The following BAALC variants were observed in gnomAD, a reference collection of about 807,000 sequenced individuals.
BAALC encodes brain and acute leukemia cytoplasmic protein.
A neutral mutation model predicts 15.5 loss-of-function variants in BAALC; 9 were observed. That is an observed-to-expected ratio of 0.58 (90% CI 0.35 to 1.02). BAALC has a LOEUF of 1.02. Ranked by LOEUF, BAALC falls within the 50% of genes least tolerant of loss-of-function variation. The pLI is 0.02. For synonymous variants in BAALC, 80 were observed against 74.6 expected (o/e 1.07, Z -0.37); for missense variants, 201 against 192.4 (o/e 1.04, Z -0.27).
intron 1 of BAALC, among the ~76,000 whole-genome samples, chr8:103,177,931 A>G (rs1811642116): frequency 6.6e-6 from 1 of 152,250 alleles, no homozygotes; most frequent in Non-Finnish European, 1.5e-5. Flanking sequence ...TTAGAGAAGA[A>G]GGAACTAAAT....
At chr8:103,192,409 G>A (rs1042000912) in intron 1 of BAALC, among the ~76,000 whole-genome samples, 1 of 152,228 alleles carries the variant, frequency 6.6e-6, no homozygotes, top group Non-Finnish European at 1.5e-5. Flanking sequence ...ACATAATCCT[G>A]TTCATCCTGA....
chr8:103,179,065 GTTCTC>G (rs1426354199), intron 1 of BAALC, among the ~76,000 whole-genome samples: 1 of 152,070 alleles, frequency 6.6e-6, no homozygotes, highest in Non-Finnish European at 1.5e-5. Context: ...AGTCTTTGGG[GTTCTC>G]TTCTCTATCA....
intron 1 of BAALC, among the ~76,000 whole-genome samples, chr8:103,168,291 G>A (rs1366383053): frequency 6.6e-6 from 1 of 152,072 alleles, no homozygotes; most frequent in African/African-American, 2.4e-5. Flanking sequence ...CTTTCTTGAT[G>A]TTTCGGTCTA....
At chr8:103,160,475 T>C (rs1301878709) in intron 1 of BAALC, among the ~76,000 whole-genome samples, 1 of 152,206 alleles carries the variant, frequency 6.6e-6, no homozygotes, top group African/African-American at 2.4e-5. Context: ...GTGTGATTAC[T>C]GAAAATGTTT....
At chr8:103,178,794 C>T (rs192551991) in intron 1 of BAALC, among the ~76,000 whole-genome samples, 2 of 149,538 alleles carry the variant, frequency 1.3e-5, no homozygotes, top group Non-Finnish European at 3.0e-5. Context: ...ACCCAGGAGG[C>T]AGAGGTTGCA....
intron 1 of BAALC, chr8:103,171,964 T>G (rs1224753454): frequency 6.6e-6 from 1 of 152,214 alleles, no homozygotes; most frequent in African/African-American, 2.4e-5. Context: ...TCCCCAGGTT[T>G]TGATTCTGCC....
chr8:103,193,859 T>C (rs1178602893), intron 1 of BAALC, among the ~76,000 whole-genome samples: 1 of 152,192 alleles, frequency 6.6e-6, no homozygotes, highest in Non-Finnish European at 1.5e-5. Flanking sequence ...AGCACATTCT[T>C]CCCTGGTACA....
chr8:103,228,335 A>G lies in BAALC; in HGVS notation c.*236A>G. 2.3e-6 allele frequency: 1 copy of G among 431,664 alleles called. No individual in the cohort carries two copies. The highest frequency in any genetic ancestry group is 4.1e-6 in the Non-Finnish European group (1 of 242,308). The allele number at this position is 431,664 out of a possible 1,614,324, so 26.7% of individuals were successfully genotyped here. ...TGCTTACATATGTTAATAAACTGCAAATGTGCAGTTCAGTTTGTCTCTTTG... is the reference window on the plus strand; with the variant it reads ...TGCTTACATATGTTAATAAACTGCAGATGTGCAGTTCAGTTTGTCTCTTTG... On this transcript the variant is annotated 3_prime_UTR_variant, in exon 3 of 3. Coordinates refer to ENST00000309982, the MANE Select transcript of BAALC (RefSeq NM_024812.3).
intron 1 of BAALC, among the ~76,000 whole-genome samples, chr8:103,171,231 CAGAA>C (rs3041488): frequency 0.52 from 64,498 of 125,178 alleles, 14,367 homozygotes; most frequent in Middle Eastern, 0.58. Context: ...CAAGGAAGGA[CAGAA>C]AGAAAGAAAG....
intron 1 of BAALC, among the ~76,000 whole-genome samples, chr8:103,152,592 A>G (rs1811009557): frequency 6.6e-6 from 1 of 152,222 alleles, no homozygotes; most frequent in African/African-American, 2.4e-5. Context: ...TTACAGTCCA[A>G]GTGCTTAGAA....
rs186140807 is a variant in BAALC at position 103,175,974 on chromosome 8, A to G, written c.160+34917A>G. Among the ~76,000 whole-genome samples the G allele has an allele frequency of 2.0e-3, 300 of 152,350 alleles. 1 individual carries two copies. Among genetic ancestry groups the G allele is most frequent in the African/African-American group, 6.6e-3 (276 of 41,580 alleles). ...GTTCGAGATATAAAAGAAGCTGCCC[A>G]AAGTTACACAGTTGAAAGTGCCAGA... On this transcript the variant is annotated intron_variant, in intron 1 of 2. Transcript: ENST00000309982.
intron 1 of BAALC, among the ~76,000 whole-genome samples, chr8:103,181,810 A>C (rs577722081): frequency 7.9e-5 from 12 of 152,318 alleles, no homozygotes; most frequent in African/African-American, 2.9e-4. Context: ...GGTGGCACCC[A>C]CTTAGGTAGC....
At chr8:103,150,601 C>T (rs1471268286) in intron 1 of BAALC, among the ~76,000 whole-genome samples, 1 of 152,206 alleles carries the variant, frequency 6.6e-6, no homozygotes, top group African/African-American at 2.4e-5. Context: ...TTTTCTTAAT[C>T]TAACACAATC....
chr8:103,211,719 G>T (rs1323748867), intron 1 of BAALC, among the ~76,000 whole-genome samples: 1 of 152,142 alleles, frequency 6.6e-6, no homozygotes, highest in Non-Finnish European at 1.5e-5. Context: ...ACTACTATTG[G>T]CCTAACTCTT....
intron 2 of BAALC, among the ~76,000 whole-genome samples, chr8:103,218,067 G>C (rs10097271): frequency 6.6e-6 from 1 of 152,126 alleles, no homozygotes; most frequent in Non-Finnish European, 1.5e-5. Flanking sequence ...GCCACCTCAC[G>C]TTTAAACTGC....
intron 1 of BAALC, among the ~76,000 whole-genome samples, chr8:103,148,439 A>G (rs1166520828): frequency 6.6e-6 from 1 of 152,208 alleles, no homozygotes; most frequent in Non-Finnish European, 1.5e-5. Context: ...AGCACATGAG[A>G]TGTTTTGATA....
chr8:103,173,473 A>T (rs1342866027), intron 1 of BAALC, among the ~76,000 whole-genome samples: 2 of 152,232 alleles, frequency 1.3e-5, no homozygotes, highest in African/African-American at 4.8e-5. Flanking sequence ...TGGAATCCTA[A>T]TAAGTTGAGA....
intron 1 of BAALC, among the ~76,000 whole-genome samples, chr8:103,144,525 G>A (rs901972706): frequency 1.3e-5 from 2 of 152,114 alleles, no homozygotes; most frequent in South Asian, 4.2e-4. Context: ...CTGTTGCCTG[G>A]TGGGGGTCTC....
chr8:103,213,083 G>C lies in BAALC; in HGVS notation c.325G>C (p.Glu109Gln), dbSNP rs762740865. The change falls in exon 2 of 3, where the codon GAG (glutamate) becomes CAG (glutamine). Residue 109 changes from glutamate to glutamine, a missense_variant and splice_region_variant. Transcript: ENST00000309982. ...TQKQNGLQTT[E>Q]AKRDAKRMPA... The stretch of plus-strand genomic sequence containing the variant: ...GAAACAGAATGGCCTTCAGACCACA[G>C]AGGTAGGGTTGCAGCCACAGAATCA... 8.1e-6 allele frequency: 13 copies of C among 1,613,820 alleles called. No homozygotes were observed. The highest frequency in any genetic ancestry group is 1.1e-5 in the Non-Finnish European group (13 of 1,179,852).
Sources: gnomAD v4.1 joint callset for allele counts (sites outside exome capture counted in the v4.1 genomes callset) on GRCh38, gnomAD v4.1.1 for gene constraint, MANE v1.5 for transcripts, NCBI Gene and HGNC (gene_info 2026-07-23, HGNC 2026-07-21) for gene names.